The following CAMKMT variants were observed in gnomAD, a reference collection of about 807,000 sequenced individuals.
CAMKMT encodes CaM KMT.
A neutral mutation model predicts 48.0 loss-of-function variants in CAMKMT; 53 were observed. The observed-to-expected ratio is 1.10, with a 90% CI of 0.89 to 1.39. The LOEUF (loss-of-function observed/expected upper bound fraction) is 1.39. Ranked by LOEUF, CAMKMT falls within the 40% of genes most tolerant of loss-of-function variation. The probability of loss-of-function intolerance (pLI) is 0.00; values close to 1 mark genes in which losing one functional copy is unlikely to be tolerated. For synonymous variants in CAMKMT, 165 were observed against 152.3 expected, an observed-to-expected ratio of 1.08 and a Z score of -0.61; for missense variants, 428 against 402.7, an observed-to-expected ratio of 1.06 and a Z score of -0.54.
At chr2:44,395,288 A>C (rs1681727322) in intron 3 of CAMKMT, among the ~76,000 whole-genome samples, 1 of 152,220 alleles carries the variant, frequency 6.6e-6, no homozygotes, top group Non-Finnish European at 1.5e-5. Flanking sequence ...ATATGTAGTT[A>C]TATAATGCAT....
intron 3 of CAMKMT, among the ~76,000 whole-genome samples, chr2:44,450,980 C>G (rs933932995): frequency 6.6e-6 from 1 of 152,096 alleles, no homozygotes; most frequent in Non-Finnish European, 1.5e-5. Flanking sequence ...AGTGCCCAAT[C>G]AAAGGATTTG....
chr2:44,444,288 A>G (rs1056035346), intron 3 of CAMKMT, among the ~76,000 whole-genome samples: 4 of 152,222 alleles, frequency 2.6e-5, no homozygotes, highest in South Asian at 2.1e-4. Flanking sequence ...AATCCATGAA[A>G]TAATTTCTTA....
At chr2:44,745,602 C>G (rs909132647) in intron 8 of CAMKMT, among the ~76,000 whole-genome samples, 18 of 152,114 alleles carry the variant, frequency 1.2e-4, no homozygotes, top group Admixed American at 3.9e-4. Flanking sequence ...ACTAAATACA[C>G]CAAGCTTCAT....
chr2:44,685,170 G>A (rs1024153228), intron 3 of CAMKMT, among the ~76,000 whole-genome samples: 2 of 151,966 alleles, frequency 1.3e-5, no homozygotes, highest in Non-Finnish European at 2.9e-5. Flanking sequence ...CTTGAAGGTG[G>A]GATCAGCAAA....
chr2:44,395,787 G>A (rs1475562712), intron 3 of CAMKMT, among the ~76,000 whole-genome samples: 1 of 151,968 alleles, frequency 6.6e-6, no homozygotes, highest in African/African-American at 2.4e-5. Flanking sequence ...AATTTTTTCA[G>A]TACCTTTGTT....
chr2:44,684,664 T>C (rs1676233726), intron 3 of CAMKMT, among the ~76,000 whole-genome samples: 1 of 151,920 alleles, frequency 6.6e-6, no homozygotes. Flanking sequence ...AGCAAAAGGA[T>C]TGATTTAGAG....
chr2:44,669,071 C>T (rs1272395276), intron 3 of CAMKMT, among the ~76,000 whole-genome samples: 3 of 152,210 alleles, frequency 2.0e-5, no homozygotes, highest in Admixed American at 1.3e-4. Flanking sequence ...GCGTGAGCCA[C>T]TGCACCTGAC....
At chr2:44,372,620 G>A in intron 1 of CAMKMT, 96 bp from the exon 2 acceptor site, 1 of 1,011,664 alleles carries the variant, frequency 9.9e-7, no homozygotes, top group East Asian at 2.5e-5. Context: ...TATTAGAAGG[G>A]AAAGTCCCCT....
chr2:44,420,235 T>C (rs1469315103), intron 3 of CAMKMT, among the ~76,000 whole-genome samples: 1 of 152,194 alleles, frequency 6.6e-6, no homozygotes, highest in East Asian at 1.9e-4. Context: ...CTGTGTATAA[T>C]TTGTATATTT....
At chr2:44,381,124 C>T (rs914925788) in intron 2 of CAMKMT, among the ~76,000 whole-genome samples, 4 of 152,160 alleles carry the variant, frequency 2.6e-5, no homozygotes, top group African/African-American at 7.2e-5. Context: ...TGCGCCATTG[C>T]ACTCCACCCT....
chr2:44,548,544 G>A (rs12712919), intron 3 of CAMKMT, among the ~76,000 whole-genome samples: 82,021 of 151,970 alleles, frequency 0.54, 23,901 homozygotes, highest in Non-Finnish European at 0.66. Flanking sequence ...TGCTGTGGAA[G>A]GATTTTGCAG....
chr2:44,452,476 A>C (rs959916623), intron 3 of CAMKMT, among the ~76,000 whole-genome samples: 1 of 152,036 alleles, frequency 6.6e-6, no homozygotes, highest in Non-Finnish European at 1.5e-5. Flanking sequence ...TAATGTTTAA[A>C]TATATGTGGG....
At chr2:44,632,217 C>T (rs1318785615) in intron 3 of CAMKMT, among the ~76,000 whole-genome samples, 1 of 149,462 alleles carries the variant, frequency 6.7e-6, no homozygotes, top group East Asian at 1.9e-4. Context: ...ACTTGAAGAC[C>T]TTCTTTAATT....
chr2:44,494,659 AAG>A (rs1669673661), intron 3 of CAMKMT, among the ~76,000 whole-genome samples: 1 of 152,258 alleles, frequency 6.6e-6, no homozygotes, highest in Non-Finnish European at 1.5e-5. Context: ...AAATTGTACC[AAG>A]AGAACATGGA....
At chr2:44,459,417 G>T (rs566073422) in intron 3 of CAMKMT, among the ~76,000 whole-genome samples, 11 of 152,042 alleles carry the variant, frequency 7.2e-5, no homozygotes, top group Admixed American at 7.2e-4. Context: ...TGTTTTTCTT[G>T]TTACCATTAA....
At chr2:44,362,706 A>G (rs1678053256) in intron 1 of CAMKMT, among the ~76,000 whole-genome samples, 1 of 152,136 alleles carries the variant, frequency 6.6e-6, no homozygotes, top group Admixed American at 6.5e-5. Flanking sequence ...CTCAAAGTTA[A>G]ATGATTATCT....
In CAMKMT at chr2:44,689,264, T is replaced by TTTTATTTATTTATTTA. The variant is rs148599125; in HGVS notation, c.377-14987_377-14972dup. Among the ~76,000 whole-genome samples, 398 of 136,252 alleles carry TTTTATTTATTTATTTA rather than the reference T, an allele frequency of 2.9e-3. 3 individuals carry two copies. The highest frequency in any genetic ancestry group is 8.5e-3 in the South Asian group (34 of 3,986). 89.4% of individuals were successfully genotyped at this position (136,252 alleles called of 152,430 possible). ...TTTCAAGACATGACCCAGCACTATT[T>TTTTATTTATTTATTTA]TTTATTTATTTATTTATTTATTTAT... is the stretch of plus-strand genomic sequence containing the variant. On this transcript the variant is annotated intron_variant, in intron 3 of 10. Coordinates refer to ENST00000378494, the MANE Select transcript of CAMKMT (RefSeq NM_024766.5).
chr2:44,638,265 G>T (rs914691916), intron 3 of CAMKMT, among the ~76,000 whole-genome samples: 1 of 152,168 alleles, frequency 6.6e-6, no homozygotes, highest in African/African-American at 2.4e-5. Flanking sequence ...TGTTAAGAAA[G>T]TTAGACTATC....
chr2:44,446,122 A>G (rs1028870538), intron 3 of CAMKMT, among the ~76,000 whole-genome samples: 5 of 151,870 alleles, frequency 3.3e-5, no homozygotes, highest in African/African-American at 7.3e-5. Flanking sequence ...AATTTTTTGT[A>G]TTTTTAGTAG....
Sources: gnomAD v4.1 joint callset for allele counts (sites outside exome capture counted in the v4.1 genomes callset) on GRCh38, gnomAD v4.1.1 for gene constraint, MANE v1.5 for transcripts, NCBI Gene and HGNC (gene_info 2026-07-23, HGNC 2026-07-21) for gene names.